The following BLTP1 variants were observed in gnomAD, a reference collection of about 807,000 sequenced individuals.
BLTP1 encodes fragile site-associated protein.
At chr4:122,205,973 C>T in the BLTP1 span, 1 of 984,802 alleles carries the variant, frequency 1.0e-6, no homozygotes, top group Non-Finnish European at 1.2e-6. Context: ...GTTGTACAAA[C>T]TGCTATGGTA....
the BLTP1 span, chr4:122,304,610 CA>C: frequency 5.0e-6 from 3 of 601,220 alleles, no homozygotes; most frequent in South Asian, 7.4e-5. Flanking sequence ...CACTGGAAAA[CA>C]AAAAAATTTG....
the BLTP1 span, chr4:122,161,337 G>C: frequency 1.9e-5 from 3 of 156,276 alleles, no homozygotes; most frequent in East Asian, 5.8e-4. Context: ...ACTTTTTTTT[G>C]GCAGGCCGGT....
chr4:122,228,000 G>A, the BLTP1 span, among the ~76,000 whole-genome samples: 134 of 149,846 alleles, frequency 8.9e-4, no homozygotes, highest in East Asian at 1.2e-3. Flanking sequence ...TGCAAACTCC[G>A]CCTCCTGGGT....
chr4:122,187,148 T>C, the BLTP1 span: 51 of 984,240 alleles, frequency 5.2e-5, no homozygotes, highest in Non-Finnish European at 6.2e-5. Flanking sequence ...TGACAGCATA[T>C]CATCCCTTAT....
chr4:122,293,535 C>T, the BLTP1 span, among the ~76,000 whole-genome samples: 1 of 151,850 alleles, frequency 6.6e-6, no homozygotes, highest in African/African-American at 2.4e-5. Flanking sequence ...GGAGATTCCC[C>T]TTGTGAGTCC....
the BLTP1 span, chr4:122,240,191 T>A: frequency 6.2e-7 from 1 of 1,614,130 alleles, no homozygotes; most frequent in Non-Finnish European, 8.5e-7. Flanking sequence ...TGAATTGTTA[T>A]CAGACTTACC....
At chr4:122,232,991 A>C in the BLTP1 span, among the ~76,000 whole-genome samples, 1 of 152,216 alleles carries the variant, frequency 6.6e-6, no homozygotes, top group Admixed American at 6.5e-5. Context: ...TGGAAGAGCT[A>C]CTGAATACAT....
the BLTP1 span, among the ~76,000 whole-genome samples, chr4:122,191,207 A>G: frequency 6.6e-6 from 1 of 152,170 alleles, no homozygotes. Flanking sequence ...GCTGCATACC[A>G]AAATATTCTG....
At chr4:122,201,987 G>C in the BLTP1 span, 1 of 508,568 alleles carries the variant, frequency 2.0e-6, no homozygotes, top group Non-Finnish European at 2.5e-6. Flanking sequence ...TGATTTCACT[G>C]TTTAAGCTTC....
the BLTP1 span, among the ~76,000 whole-genome samples, chr4:122,252,047 G>C: frequency 6.6e-6 from 1 of 152,084 alleles, no homozygotes; most frequent in Non-Finnish European, 1.5e-5. Flanking sequence ...ACACACCCTA[G>C]GCCAGAAGGG....
chr4:122,354,072 T>C, the BLTP1 span: 2 of 1,466,958 alleles, frequency 1.4e-6, no homozygotes, highest in Non-Finnish European at 1.9e-6. Context: ...TTTTGGATTC[T>C]GTTGACTGTG....
At chr4:122,234,475 A>G in the BLTP1 span, among the ~76,000 whole-genome samples, 1 of 151,924 alleles carries the variant, frequency 6.6e-6, no homozygotes, top group African/African-American at 2.4e-5. Context: ...CTGGACTTAA[A>G]TGTCTGATTT....
the BLTP1 span, chr4:122,279,732 G>A: frequency 8.3e-6 from 13 of 1,560,554 alleles, no homozygotes; most frequent in Non-Finnish European, 8.7e-6. Flanking sequence ...CTCTTTACTT[G>A]GCTGTTGGCT....
chr4:122,251,626 A>G, the BLTP1 span: 2 of 984,320 alleles, frequency 2.0e-6, no homozygotes, highest in South Asian at 4.7e-5. Flanking sequence ...TCCTTCACCT[A>G]CTAAAATACT....
At chr4:122,199,445 T>G in the BLTP1 span, 2 of 1,612,770 alleles carry the variant, frequency 1.2e-6, no homozygotes, top group Admixed American at 3.3e-5. Flanking sequence ...AGCAGAAATG[T>G]TAGCAGTAAG....
the BLTP1 span, chr4:122,249,382 T>TA: frequency 4.7e-6 from 7 of 1,504,754 alleles, no homozygotes; most frequent in African/African-American, 9.8e-5. Flanking sequence ...AGCACTAAGA[T>TA]ATCTTTTAAA....
chr4:122,246,944 A>G, the BLTP1 span: 5 of 1,409,532 alleles, frequency 3.5e-6, no homozygotes, highest in Non-Finnish European at 4.7e-6. Context: ...GGAATTTCAA[A>G]TCTTAATTTA....
chr4:122,320,977 A>C, the BLTP1 span, among the ~76,000 whole-genome samples: 1 of 120,682 alleles, frequency 8.3e-6, no homozygotes, highest in Non-Finnish European at 1.8e-5. Context: ...TTCTTTTTTT[A>C]CTTTTTCTTT....
chr4:122,186,271 G>A, the BLTP1 span: 1 of 1,489,808 alleles, frequency 6.7e-7, no homozygotes, highest in Non-Finnish European at 9.0e-7. Context: ...TTAAACATTT[G>A]CCTTTATTAG....
Sources: gnomAD v4.1 joint callset for allele counts (sites outside exome capture counted in the v4.1 genomes callset) on GRCh38, gnomAD v4.1.1 for gene constraint, MANE v1.5 for transcripts, NCBI Gene and HGNC (gene_info 2026-07-23, HGNC 2026-07-21) for gene names.